BTBD9: variants seen among roughly 807,000 people sequenced by gnomAD.
The protein encoded by BTBD9 is BTB/POZ domain-containing protein 9.
Under a neutral mutation model 64.3 loss-of-function variants are expected in BTBD9, and 49 were observed. The ratio of observed to expected loss-of-function variants is 0.76; its 90% CI spans 0.61 to 0.97. BTBD9 has a LOEUF of 0.97. Among genes scored for constraint, BTBD9 ranks in the 50% least tolerant of loss-of-function variants. BTBD9 has a pLI of 0.00. For missense variants in BTBD9, 598 were observed against 762.1 expected (o/e 0.78, Z 2.53); for synonymous variants, 260 against 274.7 (o/e 0.95, Z 0.53).
At chr6:38,375,963 G>A (rs1284581793) in intron 6 of BTBD9, among the ~76,000 whole-genome samples, 1 of 150,402 alleles carries the variant, frequency 6.6e-6, no homozygotes, top group South Asian at 2.1e-4. Context: ...AAGAAAGAAA[G>A]AAAAAACGTG....
At chr6:38,632,335 A>C (rs1000835323) in intron 1 of BTBD9, among the ~76,000 whole-genome samples, 2 of 152,248 alleles carry the variant, frequency 1.3e-5, no homozygotes, top group South Asian at 2.1e-4. Flanking sequence ...AATAGGACCA[A>C]AGAGTGACTT....
At position 38,447,615 on chromosome 6, in the gene BTBD9, T is replaced by C. The variant is rs182316926; in HGVS notation, c.1155-102522A>G. Among the ~76,000 whole-genome samples the C allele has an allele frequency of 6.6e-5, 10 of 152,320 alleles. No individual in the cohort carries two copies. In the East Asian group the frequency reaches 1.9e-3, roughly 29 times the overall value. ...CAGTACAGACTCTGTACCATCATAC[T>C]GAACTTTGACACAAAAGAGCTAATT... On this transcript the variant is annotated intron_variant, in intron 6 of 10. Transcript: ENST00000481247.
intron 6 of BTBD9, among the ~76,000 whole-genome samples, chr6:38,503,293 A>G (rs1055389478): frequency 2.0e-5 from 3 of 151,952 alleles, no homozygotes; most frequent in African/African-American, 7.3e-5. Context: ...CCAACAACCC[A>G]CAAACAGGGC....
chr6:38,284,757 TA>T (rs1401075897), intron 8 of BTBD9, among the ~76,000 whole-genome samples: 1 of 152,036 alleles, frequency 6.6e-6, no homozygotes, highest in Non-Finnish European at 1.5e-5. Context: ...GATCTATCAA[TA>T]AGTTCAGGAG....
At chr6:38,320,418 G>A (rs1763189400) in intron 7 of BTBD9, among the ~76,000 whole-genome samples, 1 of 152,112 alleles carries the variant, frequency 6.6e-6, no homozygotes, top group Admixed American at 6.5e-5. Flanking sequence ...TGCCTTTTAA[G>A]GAATATCTTA....
intron 7 of BTBD9, among the ~76,000 whole-genome samples, chr6:38,334,634 A>ACATAAC (rs775427238): frequency 1.1e-4 from 16 of 146,126 alleles, no homozygotes; most frequent in Admixed American, 9.6e-4. Flanking sequence ...ACATAAAATA[A>ACATAAC]ATAAAATAAT....
intron 7 of BTBD9, among the ~76,000 whole-genome samples, chr6:38,310,651 GT>G (rs957704165): frequency 1.3e-5 from 2 of 151,890 alleles, no homozygotes; most frequent in African/African-American, 2.4e-5. Context: ...GGATACAGTA[GT>G]TTTTTTTATT....
intron 9 of BTBD9, among the ~76,000 whole-genome samples, chr6:38,208,552 G>A (rs753159054): frequency 2.6e-5 from 4 of 152,174 alleles, no homozygotes; most frequent in Admixed American, 6.5e-5. Flanking sequence ...GAGCTAGAGA[G>A]GGTGTCCTAT....
chr6:38,588,409 C>A (rs1776641837), intron 4 of BTBD9: 1 of 824,568 alleles, frequency 1.2e-6, no homozygotes, highest in Non-Finnish European at 2.1e-6. Context: ...GGCCTATAGA[C>A]CAAGATCAAG....
At chr6:38,176,577 T>TTTCC (rs1441990219) in intron 10 of BTBD9, among the ~76,000 whole-genome samples, 1 of 152,146 alleles carries the variant, frequency 6.6e-6, no homozygotes, top group Admixed American at 6.5e-5. Context: ...TTTTCCTTTC[T>TTTCC]TTCCTTCCTT....
At chr6:38,326,420 C>G (rs888919109) in intron 7 of BTBD9, among the ~76,000 whole-genome samples, 1 of 151,968 alleles carries the variant, frequency 6.6e-6, no homozygotes, top group Non-Finnish European at 1.5e-5. Context: ...AGTGATTTCG[C>G]GTAAGAGAGC....
chr6:38,260,054 T>C (rs1204070992), intron 8 of BTBD9, among the ~76,000 whole-genome samples: 1 of 152,226 alleles, frequency 6.6e-6, no homozygotes, highest in Non-Finnish European at 1.5e-5. Context: ...ATATTTATTT[T>C]GAGTAACTTT....
At chr6:38,201,266 C>G (rs1330986493) in intron 9 of BTBD9, among the ~76,000 whole-genome samples, 1 of 152,116 alleles carries the variant, frequency 6.6e-6, no homozygotes, top group Non-Finnish European at 1.5e-5. Context: ...GGATCTAACC[C>G]AGGGATGCAA....
intron 10 of BTBD9, among the ~76,000 whole-genome samples, chr6:38,175,453 A>G (rs1290316196): frequency 6.6e-6 from 1 of 152,160 alleles, no homozygotes; most frequent in Non-Finnish European, 1.5e-5. Context: ...AAATCTTCAC[A>G]CTGGATTACT....
intron 4 of BTBD9, among the ~76,000 whole-genome samples, chr6:38,589,150 T>G (rs970337093): frequency 6.6e-6 from 1 of 152,168 alleles, no homozygotes; most frequent in Non-Finnish European, 1.5e-5. Context: ...CACTTCAAAG[T>G]GAAGAATTTA....
intron 1 of BTBD9, among the ~76,000 whole-genome samples, chr6:38,616,270 T>C (rs1462267335): frequency 6.6e-6 from 1 of 152,200 alleles, no homozygotes; most frequent in Non-Finnish European, 1.5e-5. Context: ...ATTATAACCC[T>C]GCTGACACTT....
chr6:38,530,898 G>A (rs535700631), intron 6 of BTBD9, among the ~76,000 whole-genome samples: 1 of 152,242 alleles, frequency 6.6e-6, no homozygotes, highest in South Asian at 2.1e-4. Context: ...AATTAAGTGA[G>A]CTTGAAAACT....
At position 38,597,105 on chromosome 6, in the gene BTBD9, A is replaced by G. The variant is rs185081966; in HGVS notation, c.185+805T>C. 3.1e-4 allele frequency among the ~76,000 whole-genome samples: 47 copies of G among 152,288 alleles called. No homozygotes were observed. The East Asian group carries it at 9.1e-3, about 29-fold the overall frequency. On this transcript the variant is annotated intron_variant, in intron 2 of 10. Coordinates refer to ENST00000481247, the MANE Select transcript of BTBD9 (RefSeq NM_001099272.2). ...TAGGAGCTCTAGCTACAGAGTAAATATTTCCAGGAGACACACTTTACCACA... is the reference window on the plus strand; with the variant it reads ...TAGGAGCTCTAGCTACAGAGTAAATGTTTCCAGGAGACACACTTTACCACA...
intron 8 of BTBD9, among the ~76,000 whole-genome samples, chr6:38,257,909 T>C (rs372013926): frequency 6.6e-6 from 1 of 151,964 alleles, no homozygotes; most frequent in Non-Finnish European, 1.5e-5. Context: ...CATAAATGCA[T>C]GTAAATAATC....
Sources: gnomAD v4.1 joint callset for allele counts (sites outside exome capture counted in the v4.1 genomes callset) on GRCh38, gnomAD v4.1.1 for gene constraint, MANE v1.5 for transcripts, NCBI Gene and HGNC (gene_info 2026-07-23, HGNC 2026-07-21) for gene names.